Variants in MCPH1 observed in about 807,000 individuals in gnomAD.
The protein encoded by MCPH1 is microcephalin.
MCPH1 carries 104 observed loss-of-function variants against 84.5 expected under a neutral mutation model. The ratio of observed to expected loss-of-function variants is 1.23; its 90% confidence interval spans 1.05 to 1.45. The LOEUF is 1.45. MCPH1 is among the 40% of genes most tolerant of loss of function. The pLI, the probability that MCPH1 is intolerant of heterozygous loss-of-function variation, is 0.00. For synonymous variants in MCPH1, 514 were observed against 366.8 expected (o/e 1.40, Z -4.58); for missense variants, 1,498 against 1,005.7 (o/e 1.49, Z -6.62).
intron 13 of MCPH1, among the ~76,000 whole-genome samples, chr8:6,629,235 G>A (rs1444097918): frequency 6.6e-6 from 1 of 152,200 alleles, no homozygotes; most frequent in African/African-American, 2.4e-5. Flanking sequence ...GGCCAGGGCC[G>A]GCAGATCACT....
In MCPH1 at chr8:6,493,576, A is replaced by G. The variant is rs2515594; in HGVS notation, c.2137-6276A>G. On this transcript the variant is annotated intron_variant, in intron 11 of 13. Transcript: ENST00000344683. The stretch of plus-strand genomic sequence containing the variant: ...GCCCCTTTCTTTATGAGACAGCTAG[A>G]GCAGTGCTTTTCAAAACCTTACTAA... Among the ~76,000 whole-genome samples, 846 of 152,280 alleles carry G rather than the reference A, an allele frequency of 5.6e-3. 4 individuals are homozygous for G. Among genetic ancestry groups the G allele is most frequent in the Non-Finnish European group, 7.3e-3 (494 of 68,044 alleles).
chr8:6,538,129 A>G (rs141421201), intron 12 of MCPH1, among the ~76,000 whole-genome samples: 141 of 152,030 alleles, frequency 9.3e-4, no homozygotes, highest in African/African-American at 3.3e-3. Context: ...CCAATGATCC[A>G]TCCATCTTCC....
chr8:6,419,603 C>G (rs998424255), intron 3 of MCPH1, among the ~76,000 whole-genome samples: 1 of 150,726 alleles, frequency 6.6e-6, no homozygotes, highest in East Asian at 1.9e-4. Context: ...GGGATTTTAC[C>G]GTGTTAGCCA....
chr8:6,569,796 G>A (rs1350392977), intron 12 of MCPH1, among the ~76,000 whole-genome samples: 5 of 152,170 alleles, frequency 3.3e-5, no homozygotes, highest in South Asian at 2.1e-4. Flanking sequence ...AGTACTGGCC[G>A]TCACCTCTGT....
rs1808111681 is a variant in MCPH1, at chr8:6,474,016, T to C, written c.1936-3578T>C. On this transcript the variant is annotated intron_variant, in intron 9 of 13. Coordinates refer to ENST00000344683, the MANE Select transcript of MCPH1 (RefSeq NM_024596.5). ...TCTCACACTGAATATTGTCTTTTAGTTTCTTCTCATTATAACCCCTCATTT... is the reference window on the plus strand; with the variant it reads ...TCTCACACTGAATATTGTCTTTTAGCTTCTTCTCATTATAACCCCTCATTT... The C allele has an allele frequency of 7.0e-6, 6 of 860,072 alleles. No individual in the cohort carries two copies. The East Asian group carries it at 1.5e-4, about 21-fold the overall frequency. The allele number at this position is 860,072 out of a possible 1,614,324, so 53.3% of individuals were successfully genotyped here.
intron 13 of MCPH1, chr8:6,625,752 C>T (rs777974010): frequency 2.0e-6 from 2 of 978,634 alleles, no homozygotes; most frequent in South Asian, 4.7e-5. Flanking sequence ...CCACTGTACT[C>T]CAGCCTAGGC....
chr8:6,445,633 A>C, intron 8 of MCPH1, 86 bp downstream of exon 8: 5 of 1,497,586 alleles, frequency 3.3e-6, no homozygotes, highest in Non-Finnish European at 4.4e-6. Flanking sequence ...CAACTTTTTC[A>C]TAACTTATTT....
At chr8:6,483,362 G>A (rs1470473949) in intron 11 of MCPH1, among the ~76,000 whole-genome samples, 2 of 152,158 alleles carry the variant, frequency 1.3e-5, no homozygotes, top group Admixed American at 6.6e-5. Context: ...AGCCAGAATA[G>A]CCAAAACAAT....
intron 5 of MCPH1, among the ~76,000 whole-genome samples, chr8:6,438,181 T>C (rs1246499361): frequency 2.0e-5 from 3 of 152,230 alleles, no homozygotes; most frequent in Non-Finnish European, 4.4e-5. Flanking sequence ...TGAAAATACT[T>C]TGGCAACATG....
intron 12 of MCPH1, among the ~76,000 whole-genome samples, chr8:6,614,530 C>T (rs1830605876): frequency 6.6e-6 from 1 of 152,236 alleles, no homozygotes; most frequent in African/African-American, 2.4e-5. Context: ...GCCCATGTGG[C>T]TTGGTGGGTG....
chr8:6,640,345 T>A (rs1223968702), intron 13 of MCPH1, among the ~76,000 whole-genome samples: 2 of 152,152 alleles, frequency 1.3e-5, no homozygotes, highest in African/African-American at 2.4e-5. Flanking sequence ...ATTTCCTATG[T>A]CCTATAAATT....
chr8:6,515,348 A>T (rs1283867903), intron 12 of MCPH1, among the ~76,000 whole-genome samples: 1 of 152,168 alleles, frequency 6.6e-6, no homozygotes, highest in South Asian at 2.1e-4. Context: ...TTTGGTTCAC[A>T]TCTGAGCACA....
chr8:6,474,648 C>T (rs1043654883), intron 9 of MCPH1, among the ~76,000 whole-genome samples: 2 of 152,126 alleles, frequency 1.3e-5, no homozygotes, highest in African/African-American at 2.4e-5. Context: ...GTAACGTTCA[C>T]TTATTTGATC....
chr8:6,604,281 A>G (rs17077658), intron 12 of MCPH1, among the ~76,000 whole-genome samples: 38,096 of 152,178 alleles, frequency 0.25, 5,991 homozygotes, highest in Admixed American at 0.39. Flanking sequence ...GAGGCCGGCA[A>G]TGTGCTTCAC....
chr8:6,445,579 G>T (rs760573577), intron 8 of MCPH1, 32 bp downstream of exon 8: 4 of 1,549,306 alleles, frequency 2.6e-6, no homozygotes, highest in Non-Finnish European at 2.6e-6. Flanking sequence ...AGTCACCTTC[G>T]CTAAATAAAC....
At chr8:6,632,402 C>G (rs1209610994) in intron 13 of MCPH1, among the ~76,000 whole-genome samples, 1 of 152,036 alleles carries the variant, frequency 6.6e-6, no homozygotes, top group South Asian at 2.1e-4. Flanking sequence ...GTAAGTTTTA[C>G]CAAACATTAT....
At chr8:6,496,167 C>G (rs1054348719) in intron 11 of MCPH1, among the ~76,000 whole-genome samples, 3 of 152,186 alleles carry the variant, frequency 2.0e-5, no homozygotes, top group Non-Finnish European at 2.9e-5. Flanking sequence ...TGCAACTAGA[C>G]AGTCCCATCG....
chr8:6,442,006 G>C (rs1803582281), intron 6 of MCPH1, 61 bp from the exon 7 acceptor site: 2 of 1,148,222 alleles, frequency 1.7e-6, no homozygotes, highest in African/African-American at 1.5e-5. Context: ...CTTCCTGCTG[G>C]CTTCATCTGC....
chr8:6,542,133 A>G (rs761755014), intron 12 of MCPH1, among the ~76,000 whole-genome samples: 2 of 152,248 alleles, frequency 1.3e-5, no homozygotes, highest in Non-Finnish European at 2.9e-5. Flanking sequence ...TTTAAATGAA[A>G]CTAGAGCGTT....
Sources: allele counts gnomAD v4.1 joint callset (sites outside exome capture counted in the v4.1 genomes callset), GRCh38; gene constraint gnomAD v4.1.1; transcripts MANE v1.5; gene names NCBI Gene and HGNC (gene_info 2026-07-23, HGNC 2026-07-21).